PAQR8: variants seen among roughly 807,000 people sequenced by gnomAD.
The protein encoded by PAQR8 is progestin and adipoQ receptor family member 8.
In PAQR8, 17 loss-of-function variants were observed where a neutral mutation model predicts 25.2. The observed-to-expected ratio is 0.67, with a 90% CI of 0.46 to 1.01. The LOEUF is 1.01. PAQR8 is among the 50% of genes least tolerant of loss of function. The probability of loss-of-function intolerance (pLI) is 0.00; values close to 1 mark genes in which losing one functional copy is unlikely to be tolerated. For synonymous variants in PAQR8, 204 were observed against 190.6 expected (o/e 1.07, Z -0.58); for missense variants, 392 against 448.4 (o/e 0.87, Z 1.14).
At chr6:52,376,740 C>G (rs1240582882) in intron 1 of PAQR8, among the ~76,000 whole-genome samples, 1 of 152,108 alleles carries the variant, frequency 6.6e-6, no homozygotes. Flanking sequence ...TACTGTTGTT[C>G]TTTATTTTCT....
At chr6:52,377,439 A>C (rs1763497940) in intron 1 of PAQR8, among the ~76,000 whole-genome samples, 1 of 152,134 alleles carries the variant, frequency 6.6e-6, no homozygotes, top group African/African-American at 2.4e-5. Context: ...GGAAAGTTTT[A>C]AGTTTTTTAA....
At chr6:52,399,780 A>G (rs1763809983) in intron 1 of PAQR8, among the ~76,000 whole-genome samples, 1 of 152,304 alleles carries the variant, frequency 6.6e-6, no homozygotes, top group East Asian at 1.9e-4. Context: ...GTAGAAGACT[A>G]TATCTAAAGA....
At chr6:52,370,251 C>T (rs547094581) in intron 1 of PAQR8, among the ~76,000 whole-genome samples, 1 of 152,060 alleles carries the variant, frequency 6.6e-6, no homozygotes, top group Admixed American at 6.5e-5. Context: ...CAGTCTAACT[C>T]GGACACTTGG....
chr6:52,383,517 C>T (rs973105228), intron 1 of PAQR8, among the ~76,000 whole-genome samples: 1 of 151,768 alleles, frequency 6.6e-6, no homozygotes, highest in Non-Finnish European at 1.5e-5. Context: ...AAAAATTAGC[C>T]GGGCGTGGTG....
chr6:52,380,957 T>C (rs918739456), intron 1 of PAQR8, among the ~76,000 whole-genome samples: 3 of 152,218 alleles, frequency 2.0e-5, no homozygotes, highest in Non-Finnish European at 4.4e-5. Flanking sequence ...CCACATATAA[T>C]TTCTTAACCT....
At chr6:52,364,722 A>G (rs1042791300) in intron 1 of PAQR8, among the ~76,000 whole-genome samples, 1 of 152,228 alleles carries the variant, frequency 6.6e-6, no homozygotes, top group Non-Finnish European at 1.5e-5. Context: ...CGAGGTTGTC[A>G]ATAAGTATGC....
rs1397647174 is a variant in PAQR8, at chr6:52,406,048, CT to C, written c.*1771del. On this transcript the variant is annotated 3_prime_UTR_variant, in exon 2 of 2. Coordinates refer to ENST00000442253, the MANE Select transcript of PAQR8 (RefSeq NM_133367.5). Reference sequence around the variant, plus strand: ...CATTGTTTTCTTAGATGGATTTCTCCTGTTAATCCTCAAATATCTGAACTTC... The same window carrying C: ...CATTGTTTTCTTAGATGGATTTCTCCGTTAATCCTCAAATATCTGAACTTC... The C allele has an allele frequency of 4.8e-5, 8 of 167,860 alleles. No individual in the cohort carries two copies. The highest frequency in any genetic ancestry group is 1.9e-4 in the African/African-American group (8 of 41,608). The allele number at this position is 167,860 out of a possible 1,614,324, so 10.4% of individuals were successfully genotyped here.
intron 1 of PAQR8, among the ~76,000 whole-genome samples, chr6:52,364,899 A>T (rs1763335094): frequency 6.6e-6 from 1 of 152,162 alleles, no homozygotes. Flanking sequence ...TGAGTACAAC[A>T]TTTAACTCCT....
At chr6:52,371,872 G>A (rs1763423198) in intron 1 of PAQR8, among the ~76,000 whole-genome samples, 1 of 152,216 alleles carries the variant, frequency 6.6e-6, no homozygotes, top group Non-Finnish European at 1.5e-5. Flanking sequence ...TAGTGTCAGA[G>A]CAAAGATGGC....
Position 52,403,891 on chromosome 6 carries a change from C to T in PAQR8, c.678C>T (p.Ser226=), listed in dbSNP as rs1400925164. Residue 226 remains serine, a synonymous_variant, in exon 2 of 2, where the codon AGC becomes AGT. Coordinates refer to ENST00000442253, the MANE Select transcript of PAQR8 (RefSeq NM_133367.5). The part of the protein sequence containing the change: ...PAGLAFILDI[S]PVAHRVALCH... Reference sequence around the variant, plus strand: ...GTCTGGCTTTTATCCTAGACATCAGCCCTGTGGCACACCGTGTGGCGCTCT... The same window carrying T: ...GTCTGGCTTTTATCCTAGACATCAGTCCTGTGGCACACCGTGTGGCGCTCT... The T allele has an allele frequency of 6.2e-7, 1 of 1,614,096 alleles. No homozygotes were observed. The highest frequency in any genetic ancestry group is 2.2e-5 in the East Asian group (1 of 44,900).
At chr6:52,382,246 T>C (rs1425848231) in intron 1 of PAQR8, among the ~76,000 whole-genome samples, 1 of 152,212 alleles carries the variant, frequency 6.6e-6, no homozygotes, top group Non-Finnish European at 1.5e-5. Context: ...TTGGAAGTCA[T>C]GGAAGAATTG....
In PAQR8 at chr6:52,404,162, C is replaced by T. The variant is rs867855844; in HGVS notation, c.949C>T (p.Pro317Ser). ...RQEIFLQRHG[P>S]LSVHMACLSF... is the part of the protein sequence containing the mutation. ...GGAGATCTTCCTGCAGCGCCATGGA[C>T]CCCTATCTGTCCACATGGCCTGCCT... The change falls in exon 2 of 2, where the codon CCC (proline) becomes TCC (serine). Residue 317 changes from proline to serine, a missense_variant. Transcript: ENST00000442253. 1 of 1,614,148 alleles carries T rather than the reference C, an allele frequency of 6.2e-7. No homozygotes were observed. Among genetic ancestry groups the T allele is most frequent in the Admixed American group, 1.7e-5 (1 of 60,020 alleles).
chr6:52,364,605 C>T (rs1177358213), intron 1 of PAQR8, among the ~76,000 whole-genome samples: 1 of 152,170 alleles, frequency 6.6e-6, no homozygotes, highest in African/African-American at 2.4e-5. Flanking sequence ...AGTTGCCTTC[C>T]GAGTTTGCAA....
At chr6:52,368,935 G>C (rs189111968) in intron 1 of PAQR8, among the ~76,000 whole-genome samples, 2 of 152,046 alleles carry the variant, frequency 1.3e-5, no homozygotes, top group Non-Finnish European at 2.9e-5. Context: ...GAGTTCTCTC[G>C]AGATCTGATG....
chr6:52,374,994 C>T (rs554950287), intron 1 of PAQR8, among the ~76,000 whole-genome samples: 2 of 150,870 alleles, frequency 1.3e-5, no homozygotes, highest in East Asian at 3.9e-4. Context: ...TTTTCAGGGA[C>T]AATGTATTTT....
chr6:52,403,144 T>C lies in PAQR8; in HGVS notation c.-52-18T>C. On this transcript the variant is annotated intron_variant, in intron 1 of 1. Coordinates refer to ENST00000442253, the MANE Select transcript of PAQR8 (RefSeq NM_133367.5). ...GTGTCTCACTGCGGCTTTGCCAATT[T>C]TCCTTTCTTTTCTGCAGGTTGCATA... 7.2e-7 allele frequency: 1 copy of C among 1,380,674 alleles called. No homozygotes were observed. The highest frequency in any genetic ancestry group is 9.7e-7 in the Non-Finnish European group (1 of 1,025,652). The allele number at this position is 1,380,674 out of a possible 1,614,324, so 85.5% of individuals were successfully genotyped here. A position where few individuals can be genotyped will look rare whatever the true frequency, so the allele number is the denominator to read the frequency against.
intron 1 of PAQR8, among the ~76,000 whole-genome samples, chr6:52,385,449 C>A (rs72927481): frequency 0.033 from 4,971 of 152,254 alleles, 95 homozygotes; most frequent in Middle Eastern, 0.061. Context: ...CTATAAACAT[C>A]CTTCAAGAAA....
chr6:52,380,858 G>T (rs564910955), intron 1 of PAQR8, among the ~76,000 whole-genome samples: 7 of 152,280 alleles, frequency 4.6e-5, no homozygotes, highest in Admixed American at 4.6e-4. Flanking sequence ...GTATAAACAG[G>T]TATCAACTTG....
Position 52,403,168 on chromosome 6 carries a change from T to C in PAQR8, c.-46T>C. 6.6e-7 allele frequency: 1 copy of C among 1,526,638 alleles called. No homozygotes were observed. Among genetic ancestry groups the C allele is most frequent in the Non-Finnish European group, 8.9e-7 (1 of 1,129,306 alleles). 94.6% of individuals were successfully genotyped at this position (1,526,638 alleles called of 1,614,324 possible). A position where few individuals can be genotyped will look rare whatever the true frequency, so the allele number is the denominator to read the frequency against. ...TTTCCTTTCTTTTCTGCAGGTTGCA[T>C]ACCCTGTCCTGAGGGCGCGGCACGG... On this transcript the variant is annotated 5_prime_UTR_variant, in exon 2 of 2. Transcript: ENST00000442253.
Sources: gnomAD v4.1 joint callset for allele counts (sites outside exome capture counted in the v4.1 genomes callset) on GRCh38, gnomAD v4.1.1 for gene constraint, MANE v1.5 for transcripts, NCBI Gene and HGNC (gene_info 2026-07-23, HGNC 2026-07-21) for gene names.